ERBB4: variants seen among roughly 807,000 people sequenced by gnomAD.
ERBB4 encodes the protein receptor tyrosine-protein kinase erbB-4.
Under a neutral mutation model 158.0 loss-of-function variants are expected in ERBB4, and 42 were observed. The ratio of observed to expected loss-of-function variants is 0.27; its 90% CI spans 0.21 to 0.34. The LOEUF (loss-of-function observed/expected upper bound fraction) is 0.34, where lower values mean the gene tolerates loss of function less well. ERBB4 is among the 10% of genes least tolerant of loss of function. The pLI, the probability that ERBB4 is intolerant of heterozygous loss-of-function variation, is 1.00. For synonymous variants in ERBB4, 583 were observed against 558.7 expected (o/e 1.04, Z -0.61); for missense variants, 1,333 against 1,624.1 (o/e 0.82, Z 3.08).
At chr2:212,359,022 A>C (rs1259678774) in intron 1 of ERBB4, among the ~76,000 whole-genome samples, 1 of 151,808 alleles carries the variant, frequency 6.6e-6, no homozygotes, top group African/African-American at 2.4e-5. Flanking sequence ...ACTGATTATG[A>C]GAACTCTTCT....
At chr2:211,820,893 G>C (rs920684924) in intron 3 of ERBB4, among the ~76,000 whole-genome samples, 2 of 151,704 alleles carry the variant, frequency 1.3e-5, no homozygotes, top group East Asian at 1.9e-4. Context: ...AATAAATAAG[G>C]TATAGAAGGA....
intron 3 of ERBB4, among the ~76,000 whole-genome samples, chr2:211,936,550 C>T (rs200329142): frequency 2.0e-4 from 30 of 151,888 alleles, no homozygotes; most frequent in East Asian, 5.8e-4. Context: ...GTTATACAGA[C>T]GGATCATAAA....
At chr2:212,430,049 G>A (rs1454120336) in intron 1 of ERBB4, among the ~76,000 whole-genome samples, 3 of 152,124 alleles carry the variant, frequency 2.0e-5, no homozygotes, top group East Asian at 1.9e-4. Flanking sequence ...CATTATAGTT[G>A]TTGGACAGAT....
intron 20 of ERBB4, among the ~76,000 whole-genome samples, chr2:211,557,939 A>G (rs750409516): frequency 6.6e-6 from 1 of 152,186 alleles, no homozygotes; most frequent in Non-Finnish European, 1.5e-5. Context: ...ATGCAGCCAT[A>G]AAATGGACAA....
At chr2:211,673,523 A>AAAAAAAAAAAAAAAAAAAAAAAAAAAC (rs1408181002) in intron 13 of ERBB4, among the ~76,000 whole-genome samples, 1 of 148,858 alleles carries the variant, frequency 6.7e-6, no homozygotes, top group African/African-American at 2.5e-5. Context: ...ATCTCAAAAA[A>AAAAAAAAAAAAAAAAAAAAAAAAAAAC]AAAAAAAGCT....
At chr2:212,402,100 T>C (rs1044556981) in intron 1 of ERBB4, among the ~76,000 whole-genome samples, 3 of 152,206 alleles carry the variant, frequency 2.0e-5, no homozygotes, top group South Asian at 2.1e-4. Context: ...AGTCAGAAAC[T>C]GAAATCAGCC....
chr2:212,228,955 G>T (rs10201835), intron 1 of ERBB4, among the ~76,000 whole-genome samples: 85,005 of 152,038 alleles, frequency 0.56, 23,980 homozygotes, highest in East Asian at 0.76. Context: ...AATGCCTGTC[G>T]TAAAAGAACT....
intron 1 of ERBB4, among the ~76,000 whole-genome samples, chr2:212,204,846 T>C (rs1312708423): frequency 2.7e-5 from 4 of 149,506 alleles, no homozygotes; most frequent in African/African-American, 9.8e-5. Context: ...GAGACAGAGT[T>C]TTACTCTTGT....
intron 1 of ERBB4, among the ~76,000 whole-genome samples, chr2:212,405,850 G>A (rs1055891805): frequency 3.3e-5 from 5 of 152,016 alleles, no homozygotes; most frequent in Non-Finnish European, 7.4e-5. Flanking sequence ...TCAGAAAATT[G>A]ATGAATTTGA....
intron 1 of ERBB4, among the ~76,000 whole-genome samples, chr2:212,154,226 G>C (rs1165304992): frequency 6.6e-6 from 1 of 152,064 alleles, no homozygotes; most frequent in African/African-American, 2.4e-5. Context: ...GAAATAACTT[G>C]TGTACAGAGA....
At chr2:212,224,095 T>A (rs896253238) in intron 1 of ERBB4, among the ~76,000 whole-genome samples, 4 of 151,950 alleles carry the variant, frequency 2.6e-5, no homozygotes, top group African/African-American at 9.7e-5. Context: ...TTAAATGATA[T>A]AATCAATCAT....
At chr2:212,288,168 A>G (rs1016594900) in intron 1 of ERBB4, among the ~76,000 whole-genome samples, 3 of 152,158 alleles carry the variant, frequency 2.0e-5, no homozygotes, top group African/African-American at 7.2e-5. Flanking sequence ...CCCTGGATCT[A>G]TCTGTGCTTA....
rs1039929275 is a variant in ERBB4 at position 211,559,637 on chromosome 2, T to C, written c.2487+2266A>G. On this transcript the variant is annotated intron_variant, in intron 20 of 27. Transcript: ENST00000342788. ...AGTGTCTTCTCTTAAGTCTCCCTAG[T>C]AGTTGGCTTTCTTTAAAATCTGAAC... 5.9e-5 allele frequency among the ~76,000 whole-genome samples: 9 copies of C among 152,346 alleles called. No homozygotes were observed. In the East Asian group the frequency reaches 9.7e-4, roughly 16 times the overall value.
chr2:212,045,569 G>A (rs1001349993), intron 2 of ERBB4, among the ~76,000 whole-genome samples: 8 of 152,282 alleles, frequency 5.3e-5, no homozygotes, highest in South Asian at 2.1e-4. Flanking sequence ...TAAAAGCATC[G>A]TCAGAAGATC....
intron 2 of ERBB4, among the ~76,000 whole-genome samples, chr2:211,952,120 A>C (rs2125150914): frequency 6.6e-6 from 1 of 152,204 alleles, no homozygotes; most frequent in African/African-American, 2.4e-5. Flanking sequence ...AGATAAATAT[A>C]AAATTCTTAT....
chr2:211,653,478 C>A (rs924518375), intron 16 of ERBB4, among the ~76,000 whole-genome samples: 1 of 131,442 alleles, frequency 7.6e-6, no homozygotes, highest in African/African-American at 2.7e-5. Flanking sequence ...CCCGCACCCG[C>A]CCCCCCCCAC....
chr2:212,199,823 A>G (rs985910039), intron 1 of ERBB4, among the ~76,000 whole-genome samples: 2 of 152,100 alleles, frequency 1.3e-5, no homozygotes, highest in African/African-American at 4.8e-5. Flanking sequence ...GACTCCAGAG[A>G]CAGCCAATGA....
intron 2 of ERBB4, among the ~76,000 whole-genome samples, chr2:212,059,264 A>G (rs2077681546): frequency 6.6e-6 from 1 of 152,228 alleles, no homozygotes; most frequent in African/African-American, 2.4e-5. Flanking sequence ...AAGGAGAACA[A>G]CAAACCACTG....
chr2:211,980,082 T>G (rs2081746206), intron 2 of ERBB4, among the ~76,000 whole-genome samples: 1 of 152,224 alleles, frequency 6.6e-6, no homozygotes, highest in Non-Finnish European at 1.5e-5. Flanking sequence ...GAGGTCATTT[T>G]AAAACATAAG....
Sources: gnomAD v4.1 joint callset for allele counts (sites outside exome capture counted in the v4.1 genomes callset) on GRCh38, gnomAD v4.1.1 for gene constraint, MANE v1.5 for transcripts, NCBI Gene and HGNC (gene_info 2026-07-23, HGNC 2026-07-21) for gene names.